The following HIRA variants were observed in gnomAD, a reference collection of about 807,000 sequenced individuals.
The protein encoded by HIRA is protein HIRA.
A neutral mutation model predicts 126.6 loss-of-function variants in HIRA; 13 were observed. That is an observed-to-expected ratio of 0.10 (90% CI 0.07 to 0.16). The LOEUF is 0.16. HIRA is among the 10% of genes least tolerant of loss of function. HIRA has a pLI of 1.00. For synonymous variants in HIRA, 511 were observed against 520.0 expected (o/e 0.98, Z 0.24); for missense variants, 834 against 1,314.4 (o/e 0.63, Z 5.65).
chr22:19,398,990 A>G (rs1481274208), intron 5 of HIRA: 4 of 380,810 alleles, frequency 1.1e-5, no homozygotes, highest in Non-Finnish European at 1.4e-5. Flanking sequence ...AAAAAAACCA[A>G]TGAAACAAAA....
chr22:19,427,225 T>C (rs973777914), intron 1 of HIRA, among the ~76,000 whole-genome samples: 4 of 152,218 alleles, frequency 2.6e-5, no homozygotes, highest in African/African-American at 7.2e-5. Context: ...CCCAACCCTG[T>C]TGTGACAACC....
intron 24 of HIRA, among the ~76,000 whole-genome samples, chr22:19,334,826 A>C (rs951860633): frequency 1.3e-5 from 2 of 152,150 alleles, no homozygotes; most frequent in Non-Finnish European, 2.9e-5. Context: ...TATGCCTTTT[A>C]GACCTATATT....
chr22:19,371,694 G>T (rs1490966894), intron 15 of HIRA, among the ~76,000 whole-genome samples: 1 of 152,108 alleles, frequency 6.6e-6, no homozygotes, highest in Admixed American at 6.5e-5. Context: ...TTTCCATTCT[G>T]GACATTTCCT....
rs2088753064 is a variant in HIRA at position 19,351,149 on chromosome 22, C to T, written c.2937+209G>A. The T allele has an allele frequency of 1.0e-6, 1 of 985,408 alleles. No homozygotes were observed. Among genetic ancestry groups the T allele is most frequent in the Non-Finnish European group, 1.2e-6 (1 of 829,922 alleles). The allele number at this position is 985,408 out of a possible 1,614,324, so 61.0% of individuals were successfully genotyped here. ...CTCAGCACAGGCACGTGGCGGAGCACTCCGTGGCTCCTGATGTCCAGGGCC... is the reference window on the plus strand; with the variant it reads ...CTCAGCACAGGCACGTGGCGGAGCATTCCGTGGCTCCTGATGTCCAGGGCC... On this transcript the variant is annotated intron_variant, in intron 24 of 24. Coordinates refer to ENST00000263208, the MANE Select transcript of HIRA (RefSeq NM_003325.4). The surrounding 1 kb of genome is among the most constrained non-coding windows in gnomAD (Gnocchi z 4.8).
intron 9 of HIRA, among the ~76,000 whole-genome samples, chr22:19,389,174 T>A (rs368778784): frequency 1.3e-5 from 2 of 152,360 alleles, no homozygotes; most frequent in East Asian, 3.9e-4. Context: ...ATTTTATTCT[T>A]CATAGTTGTG....
At chr22:19,333,784 T>C (rs1358206594) in intron 24 of HIRA, among the ~76,000 whole-genome samples, 1 of 152,204 alleles carries the variant, frequency 6.6e-6, no homozygotes, top group Non-Finnish European at 1.5e-5. Flanking sequence ...TCATTCTATT[T>C]TCTTTTTGCT....
chr22:19,345,127 A>T (rs2088672304), intron 24 of HIRA, among the ~76,000 whole-genome samples: 1 of 152,244 alleles, frequency 6.6e-6, no homozygotes, highest in Non-Finnish European at 1.5e-5. Flanking sequence ...TAAGAGTCCT[A>T]GACAGATCAA....
At chr22:19,388,877 G>C (rs985112838) in intron 9 of HIRA, among the ~76,000 whole-genome samples, 1 of 152,162 alleles carries the variant, frequency 6.6e-6, no homozygotes, top group South Asian at 2.1e-4. Context: ...CGGAGGAGAG[G>C]GACAGCCCCA....
At chr22:19,408,650 T>C in intron 2 of HIRA, 57 bp from the exon 3 acceptor site, 5 of 953,954 alleles carry the variant, frequency 5.2e-6, no homozygotes, top group Non-Finnish European at 8.6e-6. Flanking sequence ...TTGATATTAA[T>C]ATTTAATGTC....
In HIRA at chr22:19,375,731, T is replaced by C; in HGVS notation, c.1675A>G (p.Ile559Val). The change falls in exon 15 of 25, where the codon ATC becomes GTC. Residue 559 changes from isoleucine (I) to valine (V), a missense_variant. This residue lies in a region of HIRA where 468 missense variants were observed against 574.2 expected (regional missense o/e 0.82). Transcript: ENST00000263208. ...SPSVLTTPSKIEPMKAFDSRF... is the reference protein window; with the variant it reads ...SPSVLTTPSKVEPMKAFDSRF... ...GAGTCAAACGCTTTCATGGGTTCGA[T>C]CTTGGACGGGGTCGTTAACACAGAA... 2 of 1,614,096 alleles carry C rather than the reference T, an allele frequency of 1.2e-6. No homozygotes were observed. Among genetic ancestry groups the C allele is most frequent in the Non-Finnish European group, 1.7e-6 (2 of 1,180,026 alleles).
chr22:19,409,590 T>C (rs2089335518), intron 2 of HIRA, among the ~76,000 whole-genome samples: 1 of 152,178 alleles, frequency 6.6e-6, no homozygotes, highest in Non-Finnish European at 1.5e-5. Flanking sequence ...GCCTTAGTAA[T>C]GATTTCTAAG....
intron 15 of HIRA, among the ~76,000 whole-genome samples, chr22:19,370,006 C>T (rs1252334369): frequency 6.6e-6 from 1 of 152,122 alleles, no homozygotes; most frequent in Non-Finnish European, 1.5e-5. Context: ...TTTTTTGAGA[C>T]AAGTCTTGTT....
chr22:19,336,541 G>C (rs186591268), intron 24 of HIRA, among the ~76,000 whole-genome samples: 1 of 152,376 alleles, frequency 6.6e-6, no homozygotes, highest in African/African-American at 2.4e-5. Context: ...GGTCCTGAGT[G>C]TGTCCACATG....
intron 13 of HIRA, among the ~76,000 whole-genome samples, chr22:19,382,057 T>C (rs2089078711): frequency 6.6e-6 from 1 of 152,260 alleles, no homozygotes; most frequent in Non-Finnish European, 1.5e-5. Context: ...TTGTCTATTA[T>C]TTCTCACTTA....
intron 5 of HIRA, among the ~76,000 whole-genome samples, chr22:19,400,225 C>T (rs2089256824): frequency 6.6e-6 from 1 of 152,178 alleles, no homozygotes; most frequent in African/African-American, 2.4e-5. Context: ...ATTCTCTCTG[C>T]TAGAGGTCTG....
chr22:19,385,299 C>T (rs1271666190), intron 12 of HIRA, among the ~76,000 whole-genome samples: 1 of 152,210 alleles, frequency 6.6e-6, no homozygotes, highest in African/African-American at 2.4e-5. Flanking sequence ...AGATGACCTC[C>T]TCTGGGCTCC....
Position 19,431,522 on chromosome 22 carries a change from T to TC in HIRA, c.-47dup. On this transcript the variant is annotated 5_prime_UTR_variant, in exon 1 of 25. It removes the in-frame stop codon of an upstream open reading frame in the 5' UTR. Transcript: ENST00000263208. The stretch of plus-strand genomic sequence containing the variant: ...CGGGCTGAGGCGAGCGCCGGGTCCC[T>TC]CAGCGCGCCCGGGCCATGGAGCCAC... The TC allele has an allele frequency of 6.6e-7, 1 of 1,515,330 alleles. No homozygotes were observed. Among genetic ancestry groups the TC allele is most frequent in the Non-Finnish European group, 8.8e-7 (1 of 1,130,614 alleles). 93.9% of individuals were successfully genotyped at this position (1,515,330 alleles called of 1,614,324 possible).
intron 9 of HIRA, among the ~76,000 whole-genome samples, chr22:19,390,623 A>AAAAAAAAAAAAAAAAAAAAAC (rs2089171062): frequency 6.7e-6 from 1 of 149,322 alleles, no homozygotes; most frequent in Admixed American, 6.7e-5. Context: ...AAAAAAAAAA[A>AAAAAAAAAAAAAAAAAAAAAC]AAAAGAAGCT....
At chr22:19,392,026 T>G in intron 9 of HIRA, 75 bp downstream of exon 9, 1 of 796,766 alleles carries the variant, frequency 1.3e-6, no homozygotes, top group Non-Finnish European at 2.1e-6. Flanking sequence ...CCAAAGCAGG[T>G]CTCTTTCCTC....
Sources: gnomAD v4.1 joint callset for allele counts (sites outside exome capture counted in the v4.1 genomes callset) on GRCh38, gnomAD v4.1.1 for gene constraint, gnomAD v4.1.1 regional missense constraint, Gnocchi (gnomAD v3.1) non-coding constraint, MANE v1.5 for transcripts, NCBI Gene and HGNC (gene_info 2026-07-23, HGNC 2026-07-21) for gene names.